MANSC4: variants seen among roughly 807,000 people sequenced by gnomAD.
The protein encoded by MANSC4 is MANSC domain containing 4.
Under a neutral mutation model 11.4 loss-of-function variants are expected in MANSC4, and 11 were observed. That is an observed-to-expected ratio of 0.97 (90% CI 0.61 to 1.60). The LOEUF is 1.60. Ranked by LOEUF, MANSC4 falls within the 40% of genes most tolerant of loss-of-function variation. MANSC4 has a pLI of 0.00. For synonymous variants in MANSC4, 123 were observed against 147.1 expected (o/e 0.84, Z 1.19); for missense variants, 354 against 404.6 (o/e 0.88, Z 1.07).
At chr12:27,779,454 A>AAT (rs1212695054) in intron 1 of MANSC4, among the ~76,000 whole-genome samples, 2 of 152,134 alleles carry the variant, frequency 1.3e-5, no homozygotes, top group African/African-American at 4.8e-5. Context: ...CCCAGTGGCA[A>AAT]ATGCAAGCTC....
intron 1 of MANSC4, among the ~76,000 whole-genome samples, chr12:27,775,669 T>C (rs2062117049): frequency 6.6e-6 from 1 of 152,192 alleles, no homozygotes; most frequent in South Asian, 2.1e-4. Flanking sequence ...CCCAAAGTGC[T>C]GGGATTACAG....
Position 27,771,346 on chromosome 12 carries a change from GAC to G in MANSC4, c.-72_-71del, listed in dbSNP as rs1461347261. 1 of 1,365,420 alleles carries G rather than the reference GAC, an allele frequency of 7.3e-7. No homozygotes were observed. Among genetic ancestry groups the G allele is most frequent in the Non-Finnish European group, 1.0e-6 (1 of 998,884 alleles). 84.6% of individuals were successfully genotyped at this position (1,365,420 alleles called of 1,614,324 possible). ...ACAGAAGCTGAACACTGGAGTTTAG[GAC>G]AGTCTCTGGAACGTCAGAGGTGTTG... On this transcript the variant is annotated 5_prime_UTR_variant, in exon 2 of 4. Transcript: ENST00000381273.
intron 1 of MANSC4, among the ~76,000 whole-genome samples, chr12:27,776,786 A>G (rs1353384973): frequency 1.3e-5 from 2 of 152,144 alleles, no homozygotes; most frequent in African/African-American, 4.8e-5. Flanking sequence ...AAAATTACCT[A>G]ACTCTATTTG....
chr12:27,770,898 C>T, intron 2 of MANSC4, 150 bp downstream of exon 2: 1 of 605,424 alleles, frequency 1.7e-6, no homozygotes, highest in African/African-American at 1.8e-5. Context: ...TTCACTGGCT[C>T]TCTTACCTCT....
intron 1 of MANSC4, among the ~76,000 whole-genome samples, chr12:27,778,612 A>C (rs763484522): frequency 6.6e-6 from 1 of 151,782 alleles, no homozygotes; most frequent in Non-Finnish European, 1.5e-5. Flanking sequence ...AGGACTGTTT[A>C]TCATAGGTGG....
chr12:27,775,023 CAAAATAAA>C (rs201119951), intron 1 of MANSC4, among the ~76,000 whole-genome samples: 6,450 of 132,870 alleles, frequency 0.049, 372 homozygotes, highest in East Asian at 0.25. Context: ...GATTCCGTCT[CAAAATAAA>C]TAAATAAATA....
At position 27,766,719 on chromosome 12, in the gene MANSC4, C is replaced by T; in HGVS notation, c.310G>A (p.Glu104Lys). Residue 104 changes from glutamate (E) to lysine (K), a missense_variant, in exon 3 of 4, where the codon GAG (glutamate) becomes AAG (lysine). By Grantham distance (56) the Glu-to-Lys change is moderately conservative. Coordinates refer to ENST00000381273, the MANE Select transcript of MANSC4 (RefSeq NM_001146221.5). ...NCLHVHCPTLESCILEPGTSA... is the reference protein window; with the variant it reads ...NCLHVHCPTLKSCILEPGTSA... Reference sequence around the variant, plus strand: ...GTTCCAGGCTCTAATATGCAGCTCTCCAGTGTTGGGCAGTGAACATGGAGG... The same window carrying T: ...GTTCCAGGCTCTAATATGCAGCTCTTCAGTGTTGGGCAGTGAACATGGAGG... 2 of 1,551,670 alleles carry T rather than the reference C, an allele frequency of 1.3e-6. No individual in the cohort carries two copies. The highest frequency in any genetic ancestry group is 2.4e-5 in the South Asian group (2 of 84,054).
chr12:27,771,292 G>A lies in MANSC4; in HGVS notation c.-16C>T. ...CCACATGCATTTTTCCTGTATGAAG[G>A]AAGACTCGAAGATAAGTCTGATTTC... On this transcript the variant is annotated 5_prime_UTR_variant, in exon 2 of 4. Transcript: ENST00000381273. 1 of 1,543,164 alleles carries A rather than the reference G, an allele frequency of 6.5e-7. No homozygotes were observed. Among genetic ancestry groups the A allele is most frequent in the East Asian group, 2.4e-5 (1 of 40,890 alleles).
intron 3 of MANSC4, among the ~76,000 whole-genome samples, chr12:27,764,209 A>C (rs2062061591): frequency 6.6e-6 from 1 of 152,116 alleles, no homozygotes. Flanking sequence ...GACATGAACA[A>C]ATACTGCTTT....
At chr12:27,774,230 G>A (rs1164450952) in intron 1 of MANSC4, among the ~76,000 whole-genome samples, 1 of 152,010 alleles carries the variant, frequency 6.6e-6, no homozygotes, top group Admixed American at 6.6e-5. Flanking sequence ...AAAACAAAGA[G>A]AAATAATTTT....
chr12:27,763,764 C>T (rs1167709262), intron 3 of MANSC4, among the ~76,000 whole-genome samples: 1 of 151,790 alleles, frequency 6.6e-6, no homozygotes, highest in African/African-American at 2.4e-5. Flanking sequence ...AGGGTCTTGC[C>T]CTATCACCCA....
At chr12:27,765,627 T>G (rs977609907) in intron 3 of MANSC4, among the ~76,000 whole-genome samples, 4 of 152,206 alleles carry the variant, frequency 2.6e-5, no homozygotes, top group African/African-American at 9.6e-5. Flanking sequence ...CTGAGGCAGC[T>G]TCACATATTT....
In MANSC4 at chr12:27,771,105, A is replaced by G; in HGVS notation, c.172T>C (p.Tyr58His). ...SQKLGAQFLK[Y>H]YSESTGQKCS... ...TTCTGGCCAGTGCTTTCAGAATAATACTTCAAGAACTGGGCTCCCAGCTTC... is the reference window on the plus strand; with the variant it reads ...TTCTGGCCAGTGCTTTCAGAATAATGCTTCAAGAACTGGGCTCCCAGCTTC... The change falls in exon 2 of 4, where the codon TAT (tyrosine) becomes CAT (histidine). Residue 58 changes from tyrosine (Y) to histidine (H), a missense_variant. Physicochemically the swap from Tyr to His is moderately conservative, Grantham distance 83. Transcript: ENST00000381273. 6.4e-7 allele frequency: 1 copy of G among 1,551,770 alleles called. No individual in the cohort carries two copies. The highest frequency in any genetic ancestry group is 8.7e-7 in the Non-Finnish European group (1 of 1,147,006).
Position 27,762,701 on chromosome 12 carries a change from A to T in MANSC4, c.*37T>A. On this transcript the variant is annotated 3_prime_UTR_variant, in exon 4 of 4. Coordinates refer to ENST00000381273, the MANE Select transcript of MANSC4 (RefSeq NM_001146221.5). ...GTTTTCTTACACAAAACTAAAAATG[A>T]TATCCTTGAAAGCATATAATCTTGC... is the stretch of plus-strand genomic sequence containing the variant. The T allele has an allele frequency of 6.2e-6, 9 of 1,440,034 alleles. No individual in the cohort carries two copies. The highest frequency in any genetic ancestry group is 7.3e-6 in the Non-Finnish European group (8 of 1,091,258). The allele number at this position is 1,440,034 out of a possible 1,614,324, so 89.2% of individuals were successfully genotyped here.
At chr12:27,776,088 C>CAAAAAAA (rs35924016) in intron 1 of MANSC4, among the ~76,000 whole-genome samples, 1 of 63,078 alleles carries the variant, frequency 1.6e-5, no homozygotes, top group Admixed American at 1.8e-4. Context: ...GAGACTGTCT[C>CAAAAAAA]AAAAAAAAAA....
intron 1 of MANSC4, among the ~76,000 whole-genome samples, chr12:27,773,665 A>G (rs1227279196): frequency 6.6e-6 from 1 of 152,244 alleles, no homozygotes; most frequent in African/African-American, 2.4e-5. Flanking sequence ...CAAGAGTCCC[A>G]GGTGATTTCC....
chr12:27,775,154 T>TATC (rs2062114974), intron 1 of MANSC4, among the ~76,000 whole-genome samples: 4 of 152,328 alleles, frequency 2.6e-5, no homozygotes, highest in Admixed American at 2.0e-4. Flanking sequence ...ATTTGGTTAT[T>TATC]ATCTCTCTCC....
At chr12:27,765,424 C>T (rs2062068123) in intron 3 of MANSC4, among the ~76,000 whole-genome samples, 1 of 152,182 alleles carries the variant, frequency 6.6e-6, no homozygotes, top group South Asian at 2.1e-4. Context: ...GTCCATGGCC[C>T]TTACGATACC....
chr12:27,770,986 C>T (rs1341031777), intron 2 of MANSC4, 62 bp downstream of exon 2: 1 of 1,322,950 alleles, frequency 7.6e-7, no homozygotes, highest in East Asian at 2.5e-5. Flanking sequence ...AGGCTCCTCA[C>T]TTAGGGCTTC....
Sources: allele counts gnomAD v4.1 joint callset (sites outside exome capture counted in the v4.1 genomes callset), GRCh38; gene constraint gnomAD v4.1.1; transcripts MANE v1.5; gene names NCBI Gene and HGNC (gene_info 2026-07-23, HGNC 2026-07-21).